AK9: variants seen among roughly 807,000 people sequenced by gnomAD.
AK9 encodes adenylate kinase 9, also known as adenylate kinase domain containing 1.
AK9 carries 191 observed loss-of-function variants against 239.6 expected under a neutral mutation model. The observed-to-expected ratio is 0.80, with a 90% confidence interval of 0.71 to 0.90. The LOEUF (loss-of-function observed/expected upper bound fraction) is 0.90, where lower values mean the gene tolerates loss of function less well. Ranked by LOEUF, AK9 falls within the 40% of genes least tolerant of loss-of-function variation. The pLI is 0.00. For synonymous variants in AK9, 689 were observed against 721.0 expected (o/e 0.96, Z 0.71); for missense variants, 1,995 against 2,214.7 (o/e 0.90, Z 1.99).
At chr6:109,516,684 T>C in intron 29 of AK9, 42 bp from the exon 30 acceptor site, 1 of 1,459,800 alleles carries the variant, frequency 6.9e-7, no homozygotes, top group Non-Finnish European at 9.3e-7. Flanking sequence ...ATATAAAATA[T>C]GTAACAAAAG....
chr6:109,679,432 A>T (rs1772291166), intron 1 of AK9, among the ~76,000 whole-genome samples: 1 of 152,026 alleles, frequency 6.6e-6, no homozygotes, highest in Non-Finnish European at 1.5e-5. Flanking sequence ...GTATCTCTGA[A>T]AAAAAAAGGC....
intron 38 of AK9, 57 bp downstream of exon 38, chr6:109,497,408 C>T (rs1226917568): frequency 4.2e-5 from 47 of 1,119,818 alleles, no homozygotes; most frequent in Non-Finnish European, 1.5e-5. Flanking sequence ...CCCCCGTTCC[C>T]AGCATGTTGC....
intron 17 of AK9, among the ~76,000 whole-genome samples, chr6:109,606,526 G>A (rs772422706): frequency 2.0e-5 from 3 of 152,252 alleles, no homozygotes; most frequent in Non-Finnish European, 2.9e-5. Context: ...GCTGTGGTTA[G>A]ATGTGCAGTT....
At chr6:109,685,030 T>C (rs1423564387) in intron 1 of AK9, among the ~76,000 whole-genome samples, 2 of 135,212 alleles carry the variant, frequency 1.5e-5, no homozygotes, top group Non-Finnish European at 3.4e-5. Context: ...CACAATGAGA[T>C]ACCATCTCAC....
At chr6:109,575,167 A>G (rs1007363180) in intron 20 of AK9, among the ~76,000 whole-genome samples, 1 of 152,144 alleles carries the variant, frequency 6.6e-6, no homozygotes, top group Non-Finnish European at 1.5e-5. Flanking sequence ...TTTTCAAACA[A>G]TGATTTCTTT....
At position 109,493,572 on chromosome 6, in the gene AK9, C is replaced by T. The variant is rs750164032; in HGVS notation, c.5534-1G>A. On this transcript the variant is annotated splice_acceptor_variant, in intron 40 of 40. Transcript: ENST00000424296. LOFTEE classifies it high-confidence loss of function. ...TATTCGGAACCTTTGGGATTAAATG[C>T]TGTAGAAAATTTCACAGAACTGTGA... 1.9e-6 allele frequency: 3 copies of T among 1,610,860 alleles called. No homozygotes were observed. Among genetic ancestry groups the T allele is most frequent in the Non-Finnish European group, 1.7e-6 (2 of 1,178,504 alleles).
chr6:109,559,952 T>C (rs903748626), intron 24 of AK9, among the ~76,000 whole-genome samples: 14 of 152,294 alleles, frequency 9.2e-5, no homozygotes, highest in African/African-American at 3.4e-4. Context: ...GGTTGGCTCA[T>C]GGTCCTTTTC....
chr6:109,617,722 C>T (rs1456085920), intron 13 of AK9, among the ~76,000 whole-genome samples: 2 of 152,002 alleles, frequency 1.3e-5, no homozygotes, highest in Non-Finnish European at 2.9e-5. Flanking sequence ...ACCATAGGAT[C>T]ACAATTAACC....
chr6:109,682,213 C>A (rs1320372232), intron 1 of AK9, among the ~76,000 whole-genome samples: 4 of 152,006 alleles, frequency 2.6e-5, no homozygotes, highest in Non-Finnish European at 5.9e-5. Context: ...ATCACAAGGT[C>A]AGGAGATCAA....
intron 21 of AK9, among the ~76,000 whole-genome samples, chr6:109,573,194 T>C (rs541725960): frequency 6.6e-6 from 1 of 152,284 alleles, no homozygotes; most frequent in South Asian, 2.1e-4. Context: ...TTCCTGCTTT[T>C]TGAACAACAT....
intron 28 of AK9, among the ~76,000 whole-genome samples, chr6:109,531,765 C>T (rs998009738): frequency 6.6e-6 from 1 of 152,168 alleles, no homozygotes; most frequent in Non-Finnish European, 1.5e-5. Context: ...CATTCTCATA[C>T]TTACAGAATC....
intron 24 of AK9, among the ~76,000 whole-genome samples, chr6:109,561,169 G>A (rs1350026491): frequency 2.0e-5 from 3 of 152,064 alleles, no homozygotes; most frequent in Non-Finnish European, 4.4e-5. Flanking sequence ...GGTCAGGCTG[G>A]TCTTGAACTC....
chr6:109,583,103 A>G (rs1789061479), intron 19 of AK9, among the ~76,000 whole-genome samples: 1 of 152,200 alleles, frequency 6.6e-6, no homozygotes, highest in South Asian at 2.1e-4. Flanking sequence ...GAAGCAAAAA[A>G]ACTCATGTGA....
chr6:109,636,734 G>A (rs887031694), intron 10 of AK9, among the ~76,000 whole-genome samples: 5 of 98,080 alleles, frequency 5.1e-5, no homozygotes, highest in Non-Finnish European at 9.9e-5. Context: ...CCTCTTTAAG[G>A]TTGAATAATA....
At chr6:109,604,035 T>C (rs1969710) in intron 17 of AK9, among the ~76,000 whole-genome samples, 88,426 of 151,878 alleles carry the variant, frequency 0.58, 27,411 homozygotes, top group East Asian at 0.84. Flanking sequence ...GAGGTGATGC[T>C]TCACCGTGCT....
rs1788631085 is a variant in AK9, at chr6:109,580,085, G to C, written c.2115-459C>G. Reference sequence around the variant, plus strand: ...AACCAATCAAATGGTCAACATGGATGATGGCATATAAGTGTTTTAAGTTTT... The same window carrying C: ...AACCAATCAAATGGTCAACATGGATCATGGCATATAAGTGTTTTAAGTTTT... On this transcript the variant is annotated intron_variant, in intron 19 of 40. Coordinates refer to ENST00000424296, the MANE Select transcript of AK9 (RefSeq NM_001145128.3). Among the ~76,000 whole-genome samples, 3 of 152,166 alleles carry C rather than the reference G, an allele frequency of 2.0e-5. No individual in the cohort carries two copies. In the East Asian group the frequency reaches 5.8e-4, roughly 29 times the overall value.
chr6:109,511,294 T>G (rs1449798600), intron 32 of AK9, among the ~76,000 whole-genome samples: 1 of 152,188 alleles, frequency 6.6e-6, no homozygotes, highest in East Asian at 1.9e-4. Context: ...TACAGTTAGA[T>G]CTCAGTTAAT....
chr6:109,583,815 T>C (rs1459518383), intron 19 of AK9, among the ~76,000 whole-genome samples: 1 of 152,172 alleles, frequency 6.6e-6, no homozygotes, highest in Admixed American at 6.5e-5. Flanking sequence ...ATTTAAGATG[T>C]AGCAGATCTC....
At chr6:109,602,464 T>C (rs1186252342) in intron 17 of AK9, among the ~76,000 whole-genome samples, 8 of 152,168 alleles carry the variant, frequency 5.3e-5, no homozygotes, top group Non-Finnish European at 1.2e-4. Flanking sequence ...GGTGGGCTTC[T>C]CTTTGTGGGT....
Sources: gnomAD v4.1 joint callset for allele counts (sites outside exome capture counted in the v4.1 genomes callset) on GRCh38, gnomAD v4.1.1 for gene constraint, MANE v1.5 for transcripts, NCBI Gene and HGNC (gene_info 2026-07-23, HGNC 2026-07-21) for gene names.